Variants in SDHC observed in about 807,000 individuals in gnomAD.
SDHC encodes succinate dehydrogenase cytochrome b560 subunit, mitochondrial.
SDHC carries 11 observed loss-of-function variants against 22.6 expected under a neutral mutation model. That is an observed-to-expected ratio of 0.49 (90% confidence interval 0.31 to 0.81). The LOEUF (loss-of-function observed/expected upper bound fraction) is 0.81, where lower values mean the gene tolerates loss of function less well. Among genes scored for constraint, SDHC ranks in the 30% least tolerant of loss-of-function variants. SDHC has a pLI of 0.05. For synonymous variants in SDHC, 80 were observed against 77.8 expected (o/e 1.03, Z -0.15); for missense variants, 160 against 212.0 (o/e 0.75, Z 1.52).
Position 161,362,770 on chromosome 1 carries a change from G to A in SDHC, c.*337G>A. ...TTGGCTCCTTCTTCCTGAGACAGTG[G>A]AAACAATGCCAGCTCTGTGGCTTCT... On this transcript the variant is annotated 3_prime_UTR_variant, in exon 6 of 6. Coordinates refer to ENST00000367975, the MANE Select transcript of SDHC (RefSeq NM_003001.5). The A allele has an allele frequency of 2.1e-6, 1 of 469,580 alleles. No homozygotes were observed. Among genetic ancestry groups the A allele is most frequent in the Non-Finnish European group, 3.9e-6 (1 of 255,208 alleles). 29.1% of individuals were successfully genotyped at this position (469,580 alleles called of 1,614,324 possible).
chr1:161,333,774 G>A (rs535957890), intron 3 of SDHC, among the ~76,000 whole-genome samples: 3 of 152,306 alleles, frequency 2.0e-5, no homozygotes, highest in African/African-American at 7.2e-5. Flanking sequence ...CACACTAGCA[G>A]TGTATAAGGG....
intron 1 of SDHC, among the ~76,000 whole-genome samples, chr1:161,319,259 G>T (rs190896743): frequency 6.7e-6 from 1 of 149,728 alleles, no homozygotes; most frequent in Admixed American, 6.7e-5. Flanking sequence ...ATAAAGTACT[G>T]TGGTACTATG....
intron 4 of SDHC, among the ~76,000 whole-genome samples, chr1:161,344,154 G>A (rs1401137790): frequency 6.6e-6 from 1 of 152,200 alleles, no homozygotes; most frequent in Non-Finnish European, 1.5e-5. Context: ...GCCGGGCATG[G>A]TGGCGGGCAC....
At chr1:161,332,082 A>G (rs1241496654) in intron 3 of SDHC, among the ~76,000 whole-genome samples, 2 of 151,726 alleles carry the variant, frequency 1.3e-5, no homozygotes, top group Non-Finnish European at 2.9e-5. Flanking sequence ...GACTCAAGTG[A>G]TCTTCCTGAC....
intron 1 of SDHC, among the ~76,000 whole-genome samples, chr1:161,318,017 C>A (rs1399615415): frequency 6.6e-6 from 1 of 151,750 alleles, no homozygotes; most frequent in African/African-American, 2.4e-5. Flanking sequence ...ACTAAAAATA[C>A]AAAAATTAGC....
intron 3 of SDHC, among the ~76,000 whole-genome samples, chr1:161,337,683 G>A (rs1273620116): frequency 6.6e-6 from 1 of 152,120 alleles, no homozygotes; most frequent in African/African-American, 2.4e-5. Context: ...GAAAAATAGG[G>A]TAACATTTGA....
At chr1:161,346,693 C>T (rs767058986) in intron 4 of SDHC, among the ~76,000 whole-genome samples, 10 of 152,004 alleles carry the variant, frequency 6.6e-5, no homozygotes, top group African/African-American at 1.2e-4. Flanking sequence ...CCACCATGCC[C>T]GGCCATGATA....
chr1:161,356,959 C>G (rs1672302960), intron 5 of SDHC, 119 bp downstream of exon 5: 1 of 1,056,162 alleles, frequency 9.5e-7, no homozygotes, highest in South Asian at 1.3e-5. Context: ...AGAGTGGAGT[C>G]TCGCTCTATT....
chr1:161,345,500 A>G (rs1001703501), intron 4 of SDHC, among the ~76,000 whole-genome samples: 1 of 152,130 alleles, frequency 6.6e-6, no homozygotes, highest in Admixed American at 6.6e-5. Flanking sequence ...TTTTCTGCCC[A>G]GGCTATAATG....
chr1:161,344,130 T>TA lies in SDHC; in HGVS notation c.241+3476dup, dbSNP rs1291839915. 6.6e-5 allele frequency among the ~76,000 whole-genome samples: 10 copies of TA among 150,726 alleles called. No homozygotes were observed. In the East Asian group the frequency reaches 1.6e-3, roughly 24 times the overall value. On this transcript the variant is annotated intron_variant, in intron 4 of 5. Coordinates refer to ENST00000367975, the MANE Select transcript of SDHC (RefSeq NM_003001.5). ...TGAAACCCCGTCTCTACTAAAAAAA[T>TA]ACAAAAAAAAATAGCCGGGCATGGT...
chr1:161,322,076 A>G (rs552638479), intron 1 of SDHC, among the ~76,000 whole-genome samples: 4 of 152,252 alleles, frequency 2.6e-5, no homozygotes. Context: ...TTTTTTTCAG[A>G]TTTTGGAATA....
intron 5 of SDHC, among the ~76,000 whole-genome samples, chr1:161,359,477 A>G (rs1466510641): frequency 1.3e-5 from 2 of 152,192 alleles, no homozygotes; most frequent in Non-Finnish European, 2.9e-5. Context: ...TTCCTATTCC[A>G]CAGAACAAAG....
At chr1:161,350,783 T>C (rs746414689) in intron 4 of SDHC, among the ~76,000 whole-genome samples, 1 of 152,142 alleles carries the variant, frequency 6.6e-6, no homozygotes, top group Non-Finnish European at 1.5e-5. Flanking sequence ...GGAATTTGAG[T>C]GCATTTAGGT....
In SDHC at chr1:161,321,988, G is replaced by A. The variant is rs532391290; in HGVS notation, c.21-1626G>A. ...TAATGATGTGACTGAAGGGTATAAT[G>A]GTCGTGTGTTTTTCATAGTACACAA... On this transcript the variant is annotated intron_variant, in intron 1 of 5. Transcript: ENST00000367975. Among the ~76,000 whole-genome samples, 3 of 152,276 alleles carry A rather than the reference G, an allele frequency of 2.0e-5. No individual in the cohort carries two copies. In the East Asian group the frequency reaches 5.8e-4, roughly 29 times the overall value.
intron 4 of SDHC, 29 bp from the exon 5 acceptor site, chr1:161,356,648 T>C: frequency 6.2e-7 from 1 of 1,612,636 alleles, no homozygotes; most frequent in Non-Finnish European, 8.5e-7. Context: ...TATGAGCAGC[T>C]GTGACAAGCT....
chr1:161,359,889 A>C (rs750562992), intron 5 of SDHC, among the ~76,000 whole-genome samples: 14 of 152,054 alleles, frequency 9.2e-5, no homozygotes, highest in Non-Finnish European at 1.6e-4. Flanking sequence ...CCTGCCTACT[A>C]CTGCTACCCA....
At chr1:161,346,590 G>C (rs1007442299) in intron 4 of SDHC, among the ~76,000 whole-genome samples, 1 of 152,000 alleles carries the variant, frequency 6.6e-6, no homozygotes, top group African/African-American at 2.4e-5. Flanking sequence ...TAGAGGCAGG[G>C]TTTCTCCATG....
At chr1:161,348,817 G>A (rs776299827) in intron 4 of SDHC, among the ~76,000 whole-genome samples, 4 of 151,782 alleles carry the variant, frequency 2.6e-5, no homozygotes, top group Non-Finnish European at 2.9e-5. Context: ...CAGCCTGGGT[G>A]ACAGAGCGAG....
intron 5 of SDHC, 106 bp downstream of exon 5, chr1:161,356,946 C>G: frequency 1.7e-6 from 2 of 1,192,598 alleles, no homozygotes; most frequent in East Asian, 2.4e-5. Flanking sequence ...TTTTTTTTTC[C>G]CAAGAGTGGA....
Sources: gnomAD v4.1 joint callset for allele counts (sites outside exome capture counted in the v4.1 genomes callset) on GRCh38, gnomAD v4.1.1 for gene constraint, MANE v1.5 for transcripts, NCBI Gene and HGNC (gene_info 2026-07-23, HGNC 2026-07-21) for gene names.